The following USH2A variants were observed in gnomAD, a reference collection of about 807,000 sequenced individuals.
USH2A encodes Usher syndrome 2A (autosomal recessive, mild).
Under a neutral mutation model 538.9 loss-of-function variants are expected in USH2A, and 443 were observed. The ratio of observed to expected loss-of-function variants is 0.82; its 90% CI spans 0.76 to 0.89. The LOEUF (loss-of-function observed/expected upper bound fraction) is 0.89. USH2A is among the 40% of genes least tolerant of loss of function. The pLI is 0.00. For synonymous variants in USH2A, 2,413 were observed against 2,273.5 expected, an observed-to-expected ratio of 1.06 and a Z score of -1.75; for missense variants, 6,633 against 6,324.8, an observed-to-expected ratio of 1.05 and a Z score of -1.65.
intron 15 of USH2A, among the ~76,000 whole-genome samples, chr1:216,214,778 T>C (rs2035311120): frequency 6.6e-6 from 1 of 151,966 alleles, no homozygotes; most frequent in African/African-American, 2.4e-5. Context: ...AAAATGTGGA[T>C]ATAAAGATGA....
rs1655876128 is a variant in USH2A, at chr1:215,623,453, C to G, written c.*2328G>C. The G allele has an allele frequency of 6.6e-6, 1 of 151,286 alleles. No individual in the cohort carries two copies. The highest frequency in any genetic ancestry group is 1.5e-5 in the Non-Finnish European group (1 of 67,566). 9.4% of individuals were successfully genotyped at this position (151,286 alleles called of 1,614,324 possible). ...AAAGTACTGATGCCTCAGCCACACA[C>G]CCCAGATCAACCGAATCAGAATCTC... On this transcript the variant is annotated 3_prime_UTR_variant, in exon 72 of 72. Coordinates refer to ENST00000307340, the MANE Select transcript of USH2A (RefSeq NM_206933.4).
chr1:215,736,096 C>A (rs1217296099), intron 60 of USH2A, among the ~76,000 whole-genome samples: 1 of 151,440 alleles, frequency 6.6e-6, no homozygotes, highest in African/African-American at 2.4e-5. Context: ...ACTACAAATG[C>A]CACACTCTTT....
At position 216,292,286 on chromosome 1, in the gene USH2A, A is replaced by G. The variant is rs1553327470; in HGVS notation, c.1729T>C (p.Cys577Arg). 6.2e-7 allele frequency: 1 copy of G among 1,614,122 alleles called. No homozygotes were observed. The highest frequency in any genetic ancestry group is 8.5e-7 in the Non-Finnish European group (1 of 1,179,980). ...TGGCAGCTTTTGGAATGGCTGTTGC[A>G]TTGACAAGGTTTACAATTGAAAGCG... ...VYAFNCKPCQ[C>R]NSHSKSCHYN... Residue 577 changes from cysteine (C) to arginine (R), a missense_variant, in exon 10 of 72, where the codon TGC becomes CGC. Transcript: ENST00000307340.
intron 61 of USH2A, among the ~76,000 whole-genome samples, chr1:215,687,407 T>C (rs2102678347): frequency 6.6e-6 from 1 of 152,122 alleles, no homozygotes; most frequent in Non-Finnish European, 1.5e-5. Flanking sequence ...TCATTCATTT[T>C]GTAATGGAGG....
chr1:216,076,979 A>G (rs1170899424), intron 27 of USH2A, among the ~76,000 whole-genome samples: 3 of 152,194 alleles, frequency 2.0e-5, no homozygotes, highest in East Asian at 3.9e-4. Flanking sequence ...GACTGTAAAA[A>G]GGAGAGTTGA....
chr1:215,977,880 T>C (rs1401352480), intron 35 of USH2A, among the ~76,000 whole-genome samples: 1 of 152,194 alleles, frequency 6.6e-6, no homozygotes, highest in African/African-American at 2.4e-5. Context: ...AATCCCAGCA[T>C]TTTGAGAAGC....
chr1:215,638,618 C>CAAAA (rs373591243), intron 69 of USH2A, among the ~76,000 whole-genome samples: 2 of 87,564 alleles, frequency 2.3e-5, no homozygotes, highest in Non-Finnish European at 4.4e-5. Flanking sequence ...GACTCTGTCT[C>CAAAA]AAAAAAAAAA....
At chr1:216,391,219 A>G (rs1414080766) in intron 3 of USH2A, among the ~76,000 whole-genome samples, 1 of 152,224 alleles carries the variant, frequency 6.6e-6, no homozygotes, top group Non-Finnish European at 1.5e-5. Context: ...AATTGCGAGA[A>G]GTTGCAGCTC....
intron 3 of USH2A, among the ~76,000 whole-genome samples, chr1:216,369,754 AAT>A (rs1462717837): frequency 6.6e-6 from 1 of 150,626 alleles, no homozygotes; most frequent in Non-Finnish European, 1.5e-5. Context: ...GTACTTAAAA[AAT>A]ATATATATAT....
At chr1:216,104,967 GAAAC>G (rs1289037147) in intron 21 of USH2A, among the ~76,000 whole-genome samples, 3 of 151,864 alleles carry the variant, frequency 2.0e-5, no homozygotes, top group Non-Finnish European at 4.4e-5. Context: ...TTACAAGAAA[GAAAC>G]AAACAACCCC....
rs189199225 is a variant in USH2A, at chr1:215,935,542, C to T, written c.7121-747G>A. 1.5e-3 allele frequency among the ~76,000 whole-genome samples: 223 copies of T among 152,090 alleles called. 1 individual carries two copies. The highest frequency in any genetic ancestry group is 4.8e-3 in the African/African-American group (198 of 41,546). On this transcript the variant is annotated intron_variant, in intron 37 of 71. Transcript: ENST00000307340. ...TCCCAACACCACTGTCCTTCCAAAG[C>T]TTTAGCAAACCCATTCTTAAATCTC...
chr1:215,625,676 T>TAATA lies in USH2A; in HGVS notation c.*101_*104dup, dbSNP rs141636292. ...ATCATTTCTTTAAAGAATTATAGGA[T>TAATA]AATAAACAATGGCTTTTCAGCATTT... On this transcript the variant is annotated 3_prime_UTR_variant, in exon 72 of 72. Coordinates refer to ENST00000307340, the MANE Select transcript of USH2A (RefSeq NM_206933.4). 3.2e-4 allele frequency: 333 copies of TAATA among 1,029,018 alleles called. 2 individuals carry two copies. In the East Asian group the frequency reaches 7.1e-3, roughly 22 times the overall value. The allele number at this position is 1,029,018 out of a possible 1,614,324, so 63.7% of individuals were successfully genotyped here.
chr1:215,779,663 T>G lies in USH2A; in HGVS notation c.10939+180A>C, dbSNP rs370221155. On this transcript the variant is annotated intron_variant, in intron 55 of 71. Transcript: ENST00000307340. ...TCTGAAGTTATCTGCTGTTGTGGCG[T>G]ATTGCTGCCAGTGTGGGCTCTTCTA... Among the ~76,000 whole-genome samples, 11 of 152,332 alleles carry G rather than the reference T, an allele frequency of 7.2e-5. No individual in the cohort carries two copies. The South Asian group carries it at 2.3e-3, about 32-fold the overall frequency.
chr1:215,885,501 T>C (rs1665027742), intron 41 of USH2A, among the ~76,000 whole-genome samples: 1 of 152,234 alleles, frequency 6.6e-6, no homozygotes, highest in African/African-American at 2.4e-5. Context: ...ATACATTTTC[T>C]TAGGTGATTA....
At chr1:216,324,872 T>G (rs1394201981) in intron 6 of USH2A, among the ~76,000 whole-genome samples, 1 of 152,156 alleles carries the variant, frequency 6.6e-6, no homozygotes, top group Non-Finnish European at 1.5e-5. Context: ...CCCAAATAGA[T>G]ATGTCCAAGT....
At chr1:216,272,768 T>C (rs1196546195) in intron 11 of USH2A, among the ~76,000 whole-genome samples, 1 of 152,042 alleles carries the variant, frequency 6.6e-6, no homozygotes, top group African/African-American at 2.4e-5. Flanking sequence ...GAAGGAAGGA[T>C]AGACATTGAT....
rs1053353766 is a variant in USH2A, at chr1:215,801,785, C to T, written c.9740-2660G>A. Among the ~76,000 whole-genome samples the T allele has an allele frequency of 5.9e-5, 9 of 152,020 alleles. 1 individual carries two copies. Among genetic ancestry groups the T allele is most frequent in the Non-Finnish European group, 2.9e-5 (2 of 67,968 alleles). Reference sequence around the variant, plus strand: ...GCAGAAGAAGCCATTATAAAATTCACATGGAATCTCAAAAAACTGCAAATA... The same window carrying T: ...GCAGAAGAAGCCATTATAAAATTCATATGGAATCTCAAAAAACTGCAAATA... On this transcript the variant is annotated intron_variant, in intron 49 of 71. Coordinates refer to ENST00000307340, the MANE Select transcript of USH2A (RefSeq NM_206933.4).
intron 62 of USH2A, among the ~76,000 whole-genome samples, chr1:215,678,001 T>C (rs1016557463): frequency 6.6e-6 from 1 of 152,170 alleles, no homozygotes; most frequent in African/African-American, 2.4e-5. Flanking sequence ...AAGCGCTCCC[T>C]TTCCTTCATG....
chr1:216,046,479 C>T lies in USH2A; in HGVS notation c.6277G>A (p.Asp2093Asn). ...CTGCCTGAATAGATCAGCCTCCCATCCATGTATAAACAGTACTGAGTTATA... is the reference window on the plus strand; with the variant it reads ...CTGCCTGAATAGATCAGCCTCCCATTCATGTATAAACAGTACTGAGTTATA... ...GIITQYCLYM[D>N]GRLIYSGSEE... The change falls in exon 32 of 72, where the codon GAT (aspartate) becomes AAT (asparagine). Residue 2093 changes from aspartate to asparagine, a missense_variant. Asp to Asn is a conservative substitution (Grantham distance 23, BLOSUM62 1). Coordinates refer to ENST00000307340, the MANE Select transcript of USH2A (RefSeq NM_206933.4). The T allele has an allele frequency of 6.2e-7, 1 of 1,613,764 alleles. No homozygotes were observed. Among genetic ancestry groups the T allele is most frequent in the East Asian group, 2.2e-5 (1 of 44,850 alleles).
Sources: gnomAD v4.1 joint callset for allele counts (sites outside exome capture counted in the v4.1 genomes callset) on GRCh38, gnomAD v4.1.1 for gene constraint, MANE v1.5 for transcripts, NCBI Gene and HGNC (gene_info 2026-07-23, HGNC 2026-07-21) for gene names.